Variants in TMEM184B observed in about 807,000 individuals in gnomAD.
TMEM184B encodes putative MAPK-activating protein FM08.
TMEM184B carries 17 observed loss-of-function variants against 41.8 expected under a neutral mutation model. The ratio of observed to expected loss-of-function variants is 0.41; its 90% confidence interval spans 0.28 to 0.61. The LOEUF is 0.61. TMEM184B is among the 20% of genes least tolerant of loss of function. TMEM184B has a pLI of 0.34. For missense variants in TMEM184B, 393 were observed against 557.8 expected, an observed-to-expected ratio of 0.70 and a Z score of 2.98; for synonymous variants, 240 against 229.5, an observed-to-expected ratio of 1.05 and a Z score of -0.41.
intron 3 of TMEM184B, among the ~76,000 whole-genome samples, chr22:38,237,412 T>C (rs1306521396): frequency 3.3e-5 from 5 of 152,226 alleles, no homozygotes; most frequent in African/African-American, 9.6e-5. Flanking sequence ...TGCCACACAC[T>C]GCGTGCGGGA....
In TMEM184B at chr22:38,229,703, C is replaced by T. The variant is rs5750566; in HGVS notation, c.525+966G>A. 1.6e-3 allele frequency among the ~76,000 whole-genome samples: 126 copies of T among 78,372 alleles called. 5 individuals carry two copies. Among genetic ancestry groups the T allele is most frequent in the Non-Finnish European group, 2.3e-3 (93 of 39,702 alleles). 51.4% of individuals were successfully genotyped at this position (78,372 alleles called of 152,430 possible). A position where few individuals can be genotyped will look rare whatever the true frequency, so the allele number is the denominator to read the frequency against. On this transcript the variant is annotated intron_variant, in intron 5 of 8. Coordinates refer to ENST00000361906, the MANE Select transcript of TMEM184B (RefSeq NM_012264.5). Reference sequence around the variant, plus strand: ...AAGGCTACTCTAGACCACAGGGAGGCCAGCCCAGGAAGCTAGAGCGGCTGG... The same window carrying T: ...AAGGCTACTCTAGACCACAGGGAGGTCAGCCCAGGAAGCTAGAGCGGCTGG...
At chr22:38,262,517 G>A (rs146246444) in intron 1 of TMEM184B, among the ~76,000 whole-genome samples, 80 of 152,322 alleles carry the variant, frequency 5.3e-4, no homozygotes, top group African/African-American at 1.9e-3. Context: ...GGCCAAGTGC[G>A]GCTCAAGAAG....
At chr22:38,270,215 G>T (rs1197688749) in intron 1 of TMEM184B, among the ~76,000 whole-genome samples, 2 of 152,130 alleles carry the variant, frequency 1.3e-5, no homozygotes, top group African/African-American at 2.4e-5. Flanking sequence ...AGCACCCCTC[G>T]TCCTTCAGGG....
At chr22:38,230,838 G>A in intron 4 of TMEM184B, 94 bp from the exon 5 acceptor site, 1 of 1,191,306 alleles carries the variant, frequency 8.4e-7, no homozygotes, top group Non-Finnish European at 1.2e-6. Flanking sequence ...CACCCATCCA[G>A]ACGAGCTGGG....
At chr22:38,240,705 C>A (rs1602418625) in intron 3 of TMEM184B, among the ~76,000 whole-genome samples, 2 of 88,406 alleles carry the variant, frequency 2.3e-5, no homozygotes, top group South Asian at 3.2e-4. Flanking sequence ...ATCCTAAATG[C>A]AAAGAGGAGA....
intron 1 of TMEM184B, among the ~76,000 whole-genome samples, chr22:38,248,935 G>A (rs183515634): frequency 6.6e-6 from 1 of 152,226 alleles, no homozygotes; most frequent in East Asian, 1.9e-4. Context: ...AGACTCTGTG[G>A]CTCCTCCCCA....
intron 3 of TMEM184B, among the ~76,000 whole-genome samples, chr22:38,241,958 T>C (rs1360353365): frequency 2.0e-5 from 3 of 146,956 alleles, no homozygotes; most frequent in African/African-American, 2.5e-5. Context: ...GAAGTCACCA[T>C]GTAACATCAT....
chr22:38,219,318 CAT>C lies in TMEM184B; in HGVS notation c.*2149_*2150del. ...GATTTCAATACAATCTATATTATCT[CAT>C]ATATAGATTTCTTCCTCACTTTATT... On this transcript the variant is annotated 3_prime_UTR_variant, in exon 9 of 9. Coordinates refer to ENST00000361906, the MANE Select transcript of TMEM184B (RefSeq NM_012264.5). The C allele has an allele frequency of 1.0e-6, 1 of 985,714 alleles. No individual in the cohort carries two copies. 61.1% of individuals were successfully genotyped at this position (985,714 alleles called of 1,614,324 possible).
At chr22:38,235,485 C>A (rs1602403454) in intron 3 of TMEM184B, among the ~76,000 whole-genome samples, 2 of 152,352 alleles carry the variant, frequency 1.3e-5, no homozygotes, top group South Asian at 4.1e-4. Context: ...CACAACTGAT[C>A]AGAATCATCA....
chr22:38,253,812 G>A (rs1239628919), intron 1 of TMEM184B, among the ~76,000 whole-genome samples: 1 of 152,142 alleles, frequency 6.6e-6, no homozygotes, highest in African/African-American at 2.4e-5. Flanking sequence ...AAAAACTTAT[G>A]CACTATGAAT....
chr22:38,227,190 G>C (rs977067782), intron 5 of TMEM184B, among the ~76,000 whole-genome samples: 1 of 152,110 alleles, frequency 6.6e-6, no homozygotes, highest in South Asian at 2.1e-4. Context: ...TGGAGGAAGG[G>C]AGGGAGGAAG....
At chr22:38,230,570 A>G (rs2091584533) in intron 5 of TMEM184B, 99 bp downstream of exon 5, 2 of 1,263,648 alleles carry the variant, frequency 1.6e-6, no homozygotes, top group East Asian at 2.5e-5. Flanking sequence ...GCCTCATAGG[A>G]AAGGGGACCT....
intron 1 of TMEM184B, among the ~76,000 whole-genome samples, chr22:38,260,056 G>A (rs755355034): frequency 1.4e-3 from 208 of 151,038 alleles, no homozygotes; most frequent in Non-Finnish European, 2.3e-3. Flanking sequence ...GACTACAGGC[G>A]CGTGCCACCA....
chr22:38,258,006 A>AC (rs1461034139), intron 1 of TMEM184B, among the ~76,000 whole-genome samples: 1 of 151,268 alleles, frequency 6.6e-6, no homozygotes, highest in East Asian at 1.9e-4. Flanking sequence ...AAATTCAAGG[A>AC]CCCCCACCTC....
intron 3 of TMEM184B, among the ~76,000 whole-genome samples, chr22:38,245,452 C>T (rs1423096843): frequency 1.4e-5 from 2 of 144,886 alleles, no homozygotes; most frequent in African/African-American, 5.2e-5. Flanking sequence ...CTGCCTGAGA[C>T]GCCAGCACTA....
intron 3 of TMEM184B, among the ~76,000 whole-genome samples, chr22:38,232,411 C>G (rs1648345933): frequency 6.6e-6 from 1 of 152,158 alleles, no homozygotes; most frequent in South Asian, 2.1e-4. Context: ...AAAATGAAGG[C>G]TGCTGCCTGC....
intron 1 of TMEM184B, among the ~76,000 whole-genome samples, chr22:38,270,055 T>C (rs2092499596): frequency 6.6e-6 from 1 of 152,176 alleles, no homozygotes; most frequent in Admixed American, 6.5e-5. Context: ...TCAAACTCCT[T>C]GGCGGGGCCT....
Position 38,220,947 on chromosome 22 carries a change from G to GA in TMEM184B, c.*521dup. ...CCTGGGTCAGGAGGGGAGGACCACAGAGCGCCCACATCCCCACTCCTGCCC... is the reference window on the plus strand; with the variant it reads ...CCTGGGTCAGGAGGGGAGGACCACAGAAGCGCCCACATCCCCACTCCTGCCC... On this transcript the variant is annotated 3_prime_UTR_variant, in exon 9 of 9. Transcript: ENST00000361906. 4.0e-6 allele frequency: 4 copies of GA among 988,662 alleles called. No individual in the cohort carries two copies. The highest frequency in any genetic ancestry group is 4.8e-6 in the Non-Finnish European group (4 of 831,866). 61.2% of individuals were successfully genotyped at this position (988,662 alleles called of 1,614,324 possible). A position where few individuals can be genotyped will look rare whatever the true frequency, so the allele number is the denominator to read the frequency against.
chr22:38,268,139 T>G (rs990922483), intron 1 of TMEM184B, among the ~76,000 whole-genome samples: 3 of 151,878 alleles, frequency 2.0e-5, no homozygotes, highest in African/African-American at 7.3e-5. Context: ...TCCCAACACT[T>G]TGGGAGGCCA....
Sources: gnomAD v4.1 joint callset for allele counts (sites outside exome capture counted in the v4.1 genomes callset) on GRCh38, gnomAD v4.1.1 for gene constraint, MANE v1.5 for transcripts, NCBI Gene and HGNC (gene_info 2026-07-23, HGNC 2026-07-21) for gene names.